Variants in PALS2 observed in about 807,000 individuals in gnomAD.
The protein encoded by PALS2 is protein PALS2.
In PALS2, 27 loss-of-function variants were observed where a neutral mutation model predicts 61.6. The ratio of observed to expected loss-of-function variants is 0.44; its 90% CI spans 0.32 to 0.60. The LOEUF (loss-of-function observed/expected upper bound fraction) is 0.60. PALS2 is among the 20% of genes least tolerant of loss of function. The probability of loss-of-function intolerance (pLI) is 0.05; values close to 1 mark genes in which losing one functional copy is unlikely to be tolerated. For synonymous variants in PALS2, 236 were observed against 218.6 expected, an observed-to-expected ratio of 1.08 and a Z score of -0.70; for missense variants, 554 against 639.4, an observed-to-expected ratio of 0.87 and a Z score of 1.44.
rs151004091 is a variant in PALS2, at chr7:24,573,864, T to C, written c.-3+271T>C. 6,646 of 151,076 alleles carry C rather than the reference T, an allele frequency of 0.044. 172 individuals carry two copies. The highest frequency in any genetic ancestry group is 0.062 in the African/African-American group (2,542 of 41,320). The allele number at this position is 151,076 out of a possible 1,614,324, so 9.4% of individuals were successfully genotyped here. A position where few individuals can be genotyped will look rare whatever the true frequency, so the allele number is the denominator to read the frequency against. On this transcript the variant is annotated intron_variant, in intron 1 of 11. Coordinates refer to ENST00000222644, the MANE Select transcript of PALS2 (RefSeq NM_001303037.2). This position sits in a 1 kb window ranked among gnomAD's most constrained non-coding sequence, Gnocchi z 5.3. ...TCCTGCCTCTCTGGCTGCGGGCGGC[T>C]GGGCGGGCCGGAGCTCGGCAACGTG...
chr7:24,653,203 C>T (rs1392389377), intron 5 of PALS2, among the ~76,000 whole-genome samples: 1 of 152,096 alleles, frequency 6.6e-6, no homozygotes, highest in Non-Finnish European at 1.5e-5. Flanking sequence ...GATGATACAA[C>T]ATATCCAAGT....
chr7:24,578,317 A>AT (rs1425788569), intron 1 of PALS2, among the ~76,000 whole-genome samples: 2 of 152,216 alleles, frequency 1.3e-5, no homozygotes, highest in Admixed American at 6.5e-5. Context: ...CATAGCTGTC[A>AT]TTAAATAAAT....
At chr7:24,593,196 A>G (rs1209382196) in intron 1 of PALS2, among the ~76,000 whole-genome samples, 1 of 152,088 alleles carries the variant, frequency 6.6e-6, no homozygotes, top group Non-Finnish European at 1.5e-5. Context: ...GCCCACTTGT[A>G]AAAACCAACT....
intron 10 of PALS2, among the ~76,000 whole-genome samples, chr7:24,679,682 G>A (rs1787813023): frequency 6.6e-6 from 1 of 151,696 alleles, no homozygotes; most frequent in Admixed American, 6.6e-5. Context: ...AAAAATTAAA[G>A]TCACTCCCCC....
At chr7:24,676,515 C>T (rs1352207747) in intron 9 of PALS2, among the ~76,000 whole-genome samples, 9 of 152,110 alleles carry the variant, frequency 5.9e-5, no homozygotes, top group East Asian at 1.9e-4. Context: ...TTAGGTCTAA[C>T]GTTTAAGTCT....
Position 24,650,583 on chromosome 7 carries a change from A to G in PALS2, c.522A>G (p.Ile174Met), listed in dbSNP as rs2128078505. Residue 174 changes from isoleucine to methionine, a missense_variant, in exon 5 of 12, where the codon ATA becomes ATG. Coordinates refer to ENST00000222644, the MANE Select transcript of PALS2 (RefSeq NM_001303037.2). Reference sequence around the variant, plus strand: ...AAGGTCTACTTCATGTGGGAGATATAATTAAAGAAGTCAATGGCCATGAGG... The same window carrying G: ...AAGGTCTACTTCATGTGGGAGATATGATTAAAGAAGTCAATGGCCATGAGG... ...DRQGLLHVGDIIKEVNGHEVG... is the reference protein window; with the variant it reads ...DRQGLLHVGDMIKEVNGHEVG... The G allele has an allele frequency of 6.2e-7, 1 of 1,613,126 alleles. No individual in the cohort carries two copies. Among genetic ancestry groups the G allele is most frequent in the Non-Finnish European group, 8.5e-7 (1 of 1,179,278 alleles).
rs543459555 is a variant in PALS2, at chr7:24,637,325, G to C, written c.118-4391G>C. On this transcript the variant is annotated intron_variant, in intron 2 of 11. Transcript: ENST00000222644. ...TTTTTTTTTTTTTTTTCAGAGCAAAGCTCATCCTTTTTGATATAATGTATG... is the reference window on the plus strand; with the variant it reads ...TTTTTTTTTTTTTTTTCAGAGCAAACCTCATCCTTTTTGATATAATGTATG... Among the ~76,000 whole-genome samples the C allele has an allele frequency of 8.7e-5, 11 of 126,604 alleles. No homozygotes were observed. The South Asian group carries it at 2.9e-3, about 33-fold the overall frequency. 83.1% of individuals were successfully genotyped at this position (126,604 alleles called of 152,430 possible).
intron 1 of PALS2, among the ~76,000 whole-genome samples, chr7:24,580,801 C>T (rs932258828): frequency 3.0e-4 from 45 of 152,146 alleles, no homozygotes; most frequent in South Asian, 2.1e-4. Context: ...AAGAGGTTGG[C>T]GTTTAGTCAT....
In PALS2 at chr7:24,632,035, A is replaced by G. The variant is rs542191538; in HGVS notation, c.117+8251A>G. ...ATCTCTGAGCTATGCCTGTACAGCTAGTAGAATGTTGAAACCTTCAACTAT... is the reference window on the plus strand; with the variant it reads ...ATCTCTGAGCTATGCCTGTACAGCTGGTAGAATGTTGAAACCTTCAACTAT... On this transcript the variant is annotated intron_variant, in intron 2 of 11. Transcript: ENST00000222644. Among the ~76,000 whole-genome samples, 4 of 152,332 alleles carry G rather than the reference A, an allele frequency of 2.6e-5. No homozygotes were observed. In the South Asian group the frequency reaches 6.2e-4, roughly 24 times the overall value.
intron 2 of PALS2, among the ~76,000 whole-genome samples, chr7:24,629,359 ACG>A (rs1447293524): frequency 6.6e-6 from 1 of 152,220 alleles, no homozygotes; most frequent in East Asian, 1.9e-4. Context: ...AAAGACTTAA[ACG>A]TAAGACCTAA....
rs1158731908 is a variant in PALS2 at position 24,688,728 on chromosome 7, T to C, written c.*1114T>C. On this transcript the variant is annotated 3_prime_UTR_variant, in exon 12 of 12. Transcript: ENST00000222644. ...ATACATACACACAAAATATATACAT[T>C]ATATAATATGTATATTATGTATTAT... is the stretch of plus-strand genomic sequence containing the variant. 1 of 149,768 alleles carries C rather than the reference T, an allele frequency of 6.7e-6. No individual in the cohort carries two copies. Among genetic ancestry groups the C allele is most frequent in the Non-Finnish European group, 1.5e-5 (1 of 67,552 alleles). 9.3% of individuals were successfully genotyped at this position (149,768 alleles called of 1,614,324 possible). A position where few individuals can be genotyped will look rare whatever the true frequency, so the allele number is the denominator to read the frequency against.
intron 2 of PALS2, among the ~76,000 whole-genome samples, chr7:24,631,059 A>G (rs75203953): frequency 1.3e-5 from 2 of 152,234 alleles, no homozygotes; most frequent in Non-Finnish European, 2.9e-5. Context: ...AATACATTTC[A>G]TAGGACTACA....
At chr7:24,638,840 T>G (rs1247357891) in intron 2 of PALS2, among the ~76,000 whole-genome samples, 1 of 152,214 alleles carries the variant, frequency 6.6e-6, no homozygotes, top group East Asian at 1.9e-4. Context: ...TTAATACACA[T>G]ACTAAGGAAT....
chr7:24,597,284 A>G (rs536896173), intron 1 of PALS2: 2 of 152,266 alleles, frequency 1.3e-5, no homozygotes, highest in East Asian at 1.9e-4. Flanking sequence ...AAAGAATGAA[A>G]ACCTGAGAGA....
chr7:24,670,392 G>C (rs1787237368), intron 9 of PALS2, among the ~76,000 whole-genome samples: 1 of 151,080 alleles, frequency 6.6e-6, no homozygotes. Flanking sequence ...CTGCTTCAAT[G>C]AGGACTACAT....
At position 24,641,887 on chromosome 7, in the gene PALS2, C is replaced by A; in HGVS notation, c.270+19C>A. 1 of 1,607,658 alleles carries A rather than the reference C, an allele frequency of 6.2e-7. No individual in the cohort carries two copies. The highest frequency in any genetic ancestry group is 8.5e-7 in the Non-Finnish European group (1 of 1,176,266). ...CTTCCAGGTAACTTTCCCTATCACT[C>A]AACTCTCAAGTTCCCTGTATTCCCA... On this transcript the variant is annotated intron_variant, in intron 3 of 11. Transcript: ENST00000222644.
At chr7:24,627,873 A>G (rs1027196569) in intron 2 of PALS2, among the ~76,000 whole-genome samples, 2 of 151,892 alleles carry the variant, frequency 1.3e-5, no homozygotes, top group African/African-American at 4.8e-5. Flanking sequence ...ATAGACAGTA[A>G]TAATAGCCTA....
intron 1 of PALS2, among the ~76,000 whole-genome samples, chr7:24,602,634 T>C (rs1478246823): frequency 1.3e-5 from 2 of 152,192 alleles, no homozygotes; most frequent in Non-Finnish European, 1.5e-5. Context: ...TAATCCTGTC[T>C]TCTATATTAT....
At chr7:24,673,003 G>GAGAA (rs1285227288) in intron 9 of PALS2, among the ~76,000 whole-genome samples, 2 of 152,136 alleles carry the variant, frequency 1.3e-5, no homozygotes, top group African/African-American at 4.8e-5. Context: ...AAGGAGAAAG[G>GAGAA]AGAAAGCATT....
Sources: gnomAD v4.1 joint callset for allele counts (sites outside exome capture counted in the v4.1 genomes callset) on GRCh38, gnomAD v4.1.1 for gene constraint, Gnocchi (gnomAD v3.1) non-coding constraint, MANE v1.5 for transcripts, NCBI Gene and HGNC (gene_info 2026-07-23, HGNC 2026-07-21) for gene names.